Variants in AGBL4 observed in about 807,000 individuals in gnomAD.
The protein encoded by AGBL4 is cytosolic carboxypeptidase 6.
Under a neutral mutation model 66.4 loss-of-function variants are expected in AGBL4, and 58 were observed. That is an observed-to-expected ratio of 0.87 (90% CI 0.71 to 1.09). The LOEUF (loss-of-function observed/expected upper bound fraction) is 1.09. Ranked by LOEUF, AGBL4 falls within the 50% of genes least tolerant of loss-of-function variation. The pLI is 0.00. For synonymous variants in AGBL4, 234 were observed against 222.9 expected (o/e 1.05, Z -0.44); for missense variants, 579 against 631.0 (o/e 0.92, Z 0.88).
chr1:49,821,191 A>G (rs541258921), intron 2 of AGBL4, among the ~76,000 whole-genome samples: 2 of 152,256 alleles, frequency 1.3e-5, no homozygotes, highest in African/African-American at 4.8e-5. Context: ...TTATTTATTC[A>G]TTCATTCATT....
Position 49,265,200 on chromosome 1 carries a change from A to G in AGBL4, c.283-19336T>C, listed in dbSNP as rs530447283. 1.4e-4 allele frequency among the ~76,000 whole-genome samples: 22 copies of G among 152,306 alleles called. No homozygotes were observed. The East Asian group carries it at 4.3e-3, about 29-fold the overall frequency. On this transcript the variant is annotated intron_variant, in intron 3 of 13. Coordinates refer to ENST00000371839, the MANE Select transcript of AGBL4 (RefSeq NM_032785.4). ...AGTAGTTTTTATTATGAATGATGTC[A>G]GTAACTCCTTTGAGACTAACGCTTG...
At chr1:49,818,697 A>G (rs1645291763) in intron 2 of AGBL4, among the ~76,000 whole-genome samples, 1 of 152,124 alleles carries the variant, frequency 6.6e-6, no homozygotes, top group Non-Finnish European at 1.5e-5. Context: ...GTGTATATGT[A>G]TATGGTCTGT....
intron 1 of AGBL4, among the ~76,000 whole-genome samples, chr1:49,903,506 T>A (rs1165921344): frequency 6.6e-6 from 1 of 152,094 alleles, no homozygotes; most frequent in Admixed American, 6.6e-5. Flanking sequence ...AACCTAAAAG[T>A]TATTATAAAA....
intron 9 of AGBL4, among the ~76,000 whole-genome samples, chr1:48,600,326 A>T (rs984264498): frequency 6.6e-6 from 1 of 152,134 alleles, no homozygotes; most frequent in Non-Finnish European, 1.5e-5. Flanking sequence ...GCTATGGGGG[A>T]GGATAATAAT....
At chr1:48,613,144 GA>G (rs895285771) in intron 9 of AGBL4, among the ~76,000 whole-genome samples, 3 of 151,920 alleles carry the variant, frequency 2.0e-5, no homozygotes, top group Non-Finnish European at 4.4e-5. Flanking sequence ...AAAAAAAAAA[GA>G]GAGATTATGA....
In AGBL4 at chr1:48,879,196, TAAA is replaced by T. The variant is rs112037562; in HGVS notation, c.595-11969_595-11967del. Among the ~76,000 whole-genome samples the T allele has an allele frequency of 3.5e-3, 469 of 133,274 alleles. 3 individuals are homozygous for T. Among genetic ancestry groups the T allele is most frequent in the African/African-American group, 0.011 (417 of 36,824 alleles). The allele number at this position is 133,274 out of a possible 152,430, so 87.4% of individuals were successfully genotyped here. A position where few individuals can be genotyped will look rare whatever the true frequency, so the allele number is the denominator to read the frequency against. The stretch of plus-strand genomic sequence containing the variant: ...ATGGAGAAAGCAAATGTGTTCAGTA[TAAA>T]AAAAAAAAAAAGACAAAAATGTTAT... On this transcript the variant is annotated intron_variant, in intron 5 of 13. Transcript: ENST00000371839.
At chr1:49,977,849 T>A (rs531196262) in intron 1 of AGBL4, among the ~76,000 whole-genome samples, 1 of 152,232 alleles carries the variant, frequency 6.6e-6, no homozygotes, top group Non-Finnish European at 1.5e-5. Context: ...TCTGCTCTAA[T>A]CAGGACTGAT....
chr1:48,801,890 T>C (rs554552213), intron 6 of AGBL4, among the ~76,000 whole-genome samples: 6 of 146,050 alleles, frequency 4.1e-5, no homozygotes, highest in Middle Eastern at 3.5e-3. Flanking sequence ...TTTCTCACTC[T>C]GGCCTTGCCT....
At chr1:49,070,775 T>C (rs529356664) in intron 4 of AGBL4, among the ~76,000 whole-genome samples, 1 of 152,140 alleles carries the variant, frequency 6.6e-6, no homozygotes, top group Admixed American at 6.5e-5. Context: ...TTCCCTCTTT[T>C]TCGGTTGATT....
At chr1:48,932,914 C>A (rs1038744241) in intron 5 of AGBL4, among the ~76,000 whole-genome samples, 5 of 151,336 alleles carry the variant, frequency 3.3e-5, no homozygotes, top group Admixed American at 6.6e-5. Context: ...CAGGTAAAAA[C>A]ACACACACAC....
intron 9 of AGBL4, among the ~76,000 whole-genome samples, chr1:48,612,738 C>A (rs1416447890): frequency 6.6e-6 from 1 of 152,174 alleles, no homozygotes; most frequent in Non-Finnish European, 1.5e-5. Flanking sequence ...GTGTTGAATT[C>A]AGTTTTTCTT....
intron 1 of AGBL4, among the ~76,000 whole-genome samples, chr1:49,875,126 T>A (rs1646952887): frequency 6.8e-6 from 1 of 147,808 alleles, no homozygotes; most frequent in Admixed American, 6.9e-5. Flanking sequence ...GATTTCCAAT[T>A]TCTTTTTTTT....
intron 3 of AGBL4, among the ~76,000 whole-genome samples, chr1:49,512,287 A>G (rs1031174715): frequency 3.3e-5 from 5 of 152,042 alleles, no homozygotes; most frequent in Non-Finnish European, 1.5e-5. Flanking sequence ...TGCAATATTT[A>G]TTAGCTATGA....
chr1:49,272,975 T>A (rs1453070918), intron 3 of AGBL4, among the ~76,000 whole-genome samples: 1 of 152,232 alleles, frequency 6.6e-6, no homozygotes, highest in African/African-American at 2.4e-5. Flanking sequence ...GAGTTTATAC[T>A]GTCTCTACTA....
chr1:48,810,356 A>T (rs1314894778), intron 6 of AGBL4, among the ~76,000 whole-genome samples: 1 of 152,194 alleles, frequency 6.6e-6, no homozygotes, highest in Non-Finnish European at 1.5e-5. Context: ...TCTTTTACTC[A>T]TCCTCTTCCG....
chr1:48,701,755 T>C (rs1646805553), intron 6 of AGBL4, among the ~76,000 whole-genome samples: 1 of 152,224 alleles, frequency 6.6e-6, no homozygotes, highest in Admixed American at 6.5e-5. Context: ...CACCAAATAG[T>C]TTTTGAGCAC....
rs375106301 is a variant in AGBL4 at position 48,721,045 on chromosome 1, G to A, written c.635-57804C>T. Among the ~76,000 whole-genome samples, 4 of 151,812 alleles carry A rather than the reference G, an allele frequency of 2.6e-5. 1 individual carries two copies. The highest frequency in any genetic ancestry group is 9.7e-5 in the African/African-American group (4 of 41,350). On this transcript the variant is annotated intron_variant, in intron 6 of 13. Coordinates refer to ENST00000371839, the MANE Select transcript of AGBL4 (RefSeq NM_032785.4). ...GCCCCAGACTGAGCAGGGCCAAGCAGCTGAAGGTAGAGAGGCAGAGGAGCT... is the reference window on the plus strand; with the variant it reads ...GCCCCAGACTGAGCAGGGCCAAGCAACTGAAGGTAGAGAGGCAGAGGAGCT...
At chr1:49,492,881 T>C (rs184877578) in intron 3 of AGBL4, among the ~76,000 whole-genome samples, 2 of 151,958 alleles carry the variant, frequency 1.3e-5, no homozygotes, top group Admixed American at 6.5e-5. Flanking sequence ...GGGTAATTGA[T>C]AAAGGAAAGA....
At chr1:48,762,724 T>C (rs1406959920) in intron 6 of AGBL4, among the ~76,000 whole-genome samples, 1 of 151,660 alleles carries the variant, frequency 6.6e-6, no homozygotes, top group East Asian at 1.9e-4. Flanking sequence ...TCCTACAACT[T>C]GTTAGTAAAG....
Sources: gnomAD v4.1 joint callset for allele counts (sites outside exome capture counted in the v4.1 genomes callset) on GRCh38, gnomAD v4.1.1 for gene constraint, MANE v1.5 for transcripts, NCBI Gene and HGNC (gene_info 2026-07-23, HGNC 2026-07-21) for gene names.